Variants in BAHCC1 observed in about 807,000 individuals in gnomAD.
BAHCC1 encodes BAH and coiled-coil domain-containing protein 1.
BAHCC1 carries 43 observed loss-of-function variants against 88.2 expected under a neutral mutation model. That is an observed-to-expected ratio of 0.49 (90% CI 0.38 to 0.63). The LOEUF is 0.63. Ranked by LOEUF, BAHCC1 falls within the 20% of genes least tolerant of loss-of-function variation. The pLI, the probability that BAHCC1 is intolerant of heterozygous loss-of-function variation, is 0.00. For missense variants in BAHCC1, 3,023 were observed against 1,654.8 expected, an observed-to-expected ratio of 1.83 and a Z score of -14.34; for synonymous variants, 1,510 against 745.5, an observed-to-expected ratio of 2.03 and a Z score of -16.71.
chr17:81,414,793 G>A (rs1353397485), intron 2 of BAHCC1, among the ~76,000 whole-genome samples: 4 of 152,142 alleles, frequency 2.6e-5, no homozygotes, highest in African/African-American at 9.7e-5. Context: ...GGGTGAGGCT[G>A]GGGGCGGAGG....
intron 1 of BAHCC1, among the ~76,000 whole-genome samples, chr17:81,397,376 T>C (rs2063756320): frequency 1.4e-5 from 2 of 146,370 alleles, no homozygotes; most frequent in African/African-American, 2.5e-5. Context: ...TTCTCAACTT[T>C]GAAATTTCTT....
At chr17:81,409,001 TC>T (rs1395416168) in intron 2 of BAHCC1, among the ~76,000 whole-genome samples, 2 of 152,202 alleles carry the variant, frequency 1.3e-5, no homozygotes, top group Admixed American at 1.3e-4. Flanking sequence ...GCTCTGCTTT[TC>T]CCCTAGGATT....
At position 81,458,240 on chromosome 17, in the gene BAHCC1, C is replaced by G. The variant is rs1321728860; in HGVS notation, c.5117C>G (p.Thr1706Ser). The G allele has an allele frequency of 4.1e-6, 3 of 738,638 alleles. No homozygotes were observed. In the African/African-American group the frequency reaches 5.2e-5, roughly 13 times the overall value. The allele number at this position is 738,638 out of a possible 1,614,324, so 45.8% of individuals were successfully genotyped here. A position where few individuals can be genotyped will look rare whatever the true frequency, so the allele number is the denominator to read the frequency against. ...TCGGTGAAGGCCAAGGTGGGCACCA[C>G]CCTGGAGCGGGCCCCAGGGCAGAGG... ...RRSVKAKVGT[T>S]LERAPGQRPP... The change falls in exon 18 of 28, where the codon ACC becomes AGC. Residue 1706 changes from threonine (T) to serine (S), a missense_variant. By Grantham distance (58) the Thr-to-Ser change is moderately conservative. Coordinates refer to ENST00000675386, the MANE Select transcript of BAHCC1 (RefSeq NM_001377448.1).
intron 14 of BAHCC1, among the ~76,000 whole-genome samples, chr17:81,453,667 C>T (rs2143601059): frequency 6.6e-6 from 1 of 152,256 alleles, no homozygotes; most frequent in South Asian, 2.1e-4. Flanking sequence ...CTTTGAGAAC[C>T]AGCCAGCACT....
At position 81,452,753 on chromosome 17, in the gene BAHCC1, G is replaced by A. The variant is rs782697728; in HGVS notation, c.4347G>A (p.Arg1449=). The A allele has an allele frequency of 2.7e-6, 2 of 750,792 alleles. No individual in the cohort carries two copies. Among genetic ancestry groups the A allele is most frequent in the East Asian group, 2.6e-5 (1 of 38,344 alleles). 46.5% of individuals were successfully genotyped at this position (750,792 alleles called of 1,614,324 possible). ...ACGAGAGTTCACGGAGCCCTGCACG[G>A]CGGGGGCCTGGCCGGCCGAGGAAGC... ...ERDESSRSPA[R]RGPGRPRKRK... The change falls in exon 14 of 28, where the codon CGG becomes CGA. Residue 1449 remains arginine (R), a synonymous_variant. Transcript: ENST00000675386.
intron 3 of BAHCC1, 58 bp from the exon 4 acceptor site, chr17:81,438,312 C>T (rs368296505): frequency 1.3e-5 from 10 of 770,684 alleles, no homozygotes; most frequent in South Asian, 5.5e-5. Context: ...GGGGTCAGGG[C>T]GAGTGTGGGC....
chr17:81,422,045 T>C, intron 2 of BAHCC1: 1 of 297,456 alleles, frequency 3.4e-6, no homozygotes, highest in Middle Eastern at 4.1e-4. Flanking sequence ...GGAGTCGCAC[T>C]TTGTCATCCA....
At chr17:81,439,802 C>T (rs1418684435) in intron 4 of BAHCC1, among the ~76,000 whole-genome samples, 2 of 152,192 alleles carry the variant, frequency 1.3e-5, no homozygotes, top group East Asian at 1.9e-4. Context: ...CCCCAGTGAG[C>T]CTGTGCTCAT....
rs1464088442 is a variant in BAHCC1, at chr17:81,456,686, G to A, written c.4858+101G>A. ...GGTTCATGGCCGCCACCAGGGCTGG[G>A]TCATGGCTTGTGGGGTGTGACAGGT... On this transcript the variant is annotated intron_variant, in intron 16 of 27. Transcript: ENST00000675386. 36 of 620,760 alleles carry A rather than the reference G, an allele frequency of 5.8e-5. No individual in the cohort carries two copies. In the Admixed American group the frequency reaches 9.4e-4, roughly 16 times the overall value. The allele number at this position is 620,760 out of a possible 1,614,324, so 38.5% of individuals were successfully genotyped here.
intron 3 of BAHCC1, among the ~76,000 whole-genome samples, chr17:81,431,054 G>A (rs1315406824): frequency 6.5e-5 from 9 of 138,496 alleles, no homozygotes; most frequent in South Asian, 2.3e-4. Flanking sequence ...TGGGGGTCCC[G>A]GCGTGGGGGT....
intron 11 of BAHCC1, among the ~76,000 whole-genome samples, chr17:81,451,342 C>G (rs1042893898): frequency 6.6e-6 from 1 of 152,196 alleles, no homozygotes; most frequent in African/African-American, 2.4e-5. Flanking sequence ...GGGGGACACA[C>G]AGGCGTTTCT....
rs932832200 is a variant in BAHCC1 at position 81,431,118 on chromosome 17, G to A, written c.358+4139G>A. Among the ~76,000 whole-genome samples the A allele has an allele frequency of 2.3e-4, 35 of 152,012 alleles. No homozygotes were observed. The East Asian group carries it at 6.4e-3, about 28-fold the overall frequency. Reference sequence around the variant, plus strand: ...GGGGGTGGAGGGGCTCTGCTGGGCCGGCTACCTCCCGCCAGCTTCTCTCAG... The same window carrying A: ...GGGGGTGGAGGGGCTCTGCTGGGCCAGCTACCTCCCGCCAGCTTCTCTCAG... On this transcript the variant is annotated intron_variant, in intron 3 of 27. Coordinates refer to ENST00000675386, the MANE Select transcript of BAHCC1 (RefSeq NM_001377448.1).
chr17:81,407,626 C>CCT (rs1451553017), intron 2 of BAHCC1, among the ~76,000 whole-genome samples: 1 of 152,230 alleles, frequency 6.6e-6, no homozygotes, highest in Non-Finnish European at 1.5e-5. Context: ...CCCTCTCAGG[C>CCT]ATGAACAGAC....
chr17:81,458,537 C>A (rs962879231), intron 18 of BAHCC1, 71 bp downstream of exon 18: 2 of 676,622 alleles, frequency 3.0e-6, no homozygotes, highest in Admixed American at 2.1e-5. Flanking sequence ...CCCGCCCTCC[C>A]CCGCACGCTG....
intron 2 of BAHCC1, among the ~76,000 whole-genome samples, chr17:81,408,071 C>T (rs1163960550): frequency 6.6e-6 from 1 of 152,240 alleles, no homozygotes; most frequent in Non-Finnish European, 1.5e-5. Flanking sequence ...CCTTCAGCGC[C>T]TTCCCCGGCC....
intron 3 of BAHCC1, among the ~76,000 whole-genome samples, chr17:81,431,122 A>C (rs1406405154): frequency 2.0e-5 from 3 of 150,822 alleles, no homozygotes; most frequent in Admixed American, 6.6e-5. Context: ...TGGGCCGGCT[A>C]CCTCCCGCCA....
In BAHCC1 at chr17:81,455,196, A is replaced by T. The variant is rs187028633; in HGVS notation, c.4446-71A>T. ...TGACCCACAGTGTGACCCACTACAG[A>T]GACAGTAGGGGGACAAGGCTGGGGC... On this transcript the variant is annotated intron_variant, in intron 14 of 27. Coordinates refer to ENST00000675386, the MANE Select transcript of BAHCC1 (RefSeq NM_001377448.1). 1.1e-4 allele frequency: 75 copies of T among 685,210 alleles called. No individual in the cohort carries two copies. The African/African-American group carries it at 1.3e-3, about 12-fold the overall frequency. 42.4% of individuals were successfully genotyped at this position (685,210 alleles called of 1,614,324 possible). A position where few individuals can be genotyped will look rare whatever the true frequency, so the allele number is the denominator to read the frequency against.
intron 5 of BAHCC1, 83 bp from the exon 6 acceptor site, chr17:81,443,726 C>A: frequency 1.5e-6 from 1 of 680,854 alleles, no homozygotes; most frequent in South Asian, 1.6e-5. Context: ...CCCCCCAGCT[C>A]GAAGCGGGGT....
chr17:81,460,721 T>C lies in BAHCC1; in HGVS notation c.6202+15T>C. The C allele has an allele frequency of 1.3e-6, 1 of 775,618 alleles. No individual in the cohort carries two copies. Among genetic ancestry groups the C allele is most frequent in the Non-Finnish European group, 2.4e-6 (1 of 416,020 alleles). The allele number at this position is 775,618 out of a possible 1,614,324, so 48.0% of individuals were successfully genotyped here. A position where few individuals can be genotyped will look rare whatever the true frequency, so the allele number is the denominator to read the frequency against. ...AGACAAAGCTGGTATTTTACCGGACTTCCCAGAATCCGGATCGGGGAAGGC... is the reference window on the plus strand; with the variant it reads ...AGACAAAGCTGGTATTTTACCGGACCTCCCAGAATCCGGATCGGGGAAGGC... On this transcript the variant is annotated intron_variant, in intron 25 of 27. Transcript: ENST00000675386.
Sources: gnomAD v4.1 joint callset for allele counts (sites outside exome capture counted in the v4.1 genomes callset) on GRCh38, gnomAD v4.1.1 for gene constraint, MANE v1.5 for transcripts, NCBI Gene and HGNC (gene_info 2026-07-23, HGNC 2026-07-21) for gene names.